ETNK1: variants seen among roughly 807,000 people sequenced by gnomAD.
The protein encoded by ETNK1 is ethanolamine kinase 1.
A neutral mutation model predicts 45.1 loss-of-function variants in ETNK1; 8 were observed. The ratio of observed to expected loss-of-function variants is 0.18; its 90% CI spans 0.10 to 0.32. The LOEUF (loss-of-function observed/expected upper bound fraction) is 0.32, where lower values mean the gene tolerates loss of function less well. ETNK1 is among the 10% of genes least tolerant of loss of function. ETNK1 has a pLI of 1.00. For missense variants in ETNK1, 302 were observed against 430.6 expected, an observed-to-expected ratio of 0.70 and a Z score of 2.64; for synonymous variants, 152 against 151.9, an observed-to-expected ratio of 1.00 and a Z score of -0.01.
chr12:22,652,042 G>A (rs964035713), intron 2 of ETNK1, among the ~76,000 whole-genome samples: 2 of 151,920 alleles, frequency 1.3e-5, no homozygotes, highest in African/African-American at 2.4e-5. Context: ...CCTGGCAACC[G>A]TCATCTACTT....
At chr12:22,651,678 A>G (rs1433853293) in intron 2 of ETNK1, among the ~76,000 whole-genome samples, 1 of 133,624 alleles carries the variant, frequency 7.5e-6, no homozygotes, top group African/African-American at 2.8e-5. Context: ...CTACAATTCT[A>G]TCCCTTTTTT....
chr12:22,656,701 C>G, intron 2 of ETNK1: 1 of 985,026 alleles, frequency 1.0e-6, no homozygotes. Flanking sequence ...GGGAAAATTA[C>G]GTTTTGTAAG....
Position 22,625,174 on chromosome 12 carries a change from G to C in ETNK1, c.-257G>C. ...CAGGCCAGCCCCGGCATGCTCTGCG[G>C]CCGCCCGCGGTCCAGCTCCGACAAC... On this transcript the variant is annotated 5_prime_UTR_variant, in exon 1 of 8. Transcript: ENST00000266517. 6.3e-7 allele frequency: 1 copy of C among 1,596,322 alleles called. No individual in the cohort carries two copies. The highest frequency in any genetic ancestry group is 8.5e-7 in the Non-Finnish European group (1 of 1,170,428).
At chr12:22,657,380 A>T (rs1953955608) in intron 2 of ETNK1, among the ~76,000 whole-genome samples, 1 of 152,228 alleles carries the variant, frequency 6.6e-6, no homozygotes, top group Non-Finnish European at 1.5e-5. Context: ...TTGACAATTT[A>T]CAGTGGCATA....
At chr12:22,625,844 C>T (rs1565859396) in intron 1 of ETNK1, 3 of 689,560 alleles carry the variant, frequency 4.4e-6, no homozygotes, top group Admixed American at 4.1e-5. Flanking sequence ...GACCCATCCA[C>T]GGGGGGAGAT....
intron 6 of ETNK1, among the ~76,000 whole-genome samples, chr12:22,681,250 G>C (rs1954212815): frequency 6.6e-6 from 1 of 151,944 alleles, no homozygotes; most frequent in Admixed American, 6.6e-5. Flanking sequence ...TATGGATAAT[G>C]CTTCTCTAGT....
At position 22,686,845 on chromosome 12, in the gene ETNK1, C is replaced by T. The variant is rs1451715104; in HGVS notation, c.*1891C>T. 1.7e-5 allele frequency: 2 copies of T among 118,190 alleles called. No individual in the cohort carries two copies. Among genetic ancestry groups the T allele is most frequent in the Non-Finnish European group, 3.5e-5 (2 of 57,064 alleles). 7.3% of individuals were successfully genotyped at this position (118,190 alleles called of 1,614,324 possible). On this transcript the variant is annotated 3_prime_UTR_variant, in exon 8 of 8. Transcript: ENST00000266517. ...TAAAACAGATAAAGAATGTGTAATA[C>T]TCTTAATTTTTTTTTTTTTTTTTTT...
chr12:22,675,467 C>T (rs998529131), intron 6 of ETNK1, among the ~76,000 whole-genome samples: 2 of 151,412 alleles, frequency 1.3e-5, no homozygotes, highest in African/African-American at 4.9e-5. Flanking sequence ...GGGGTTCTCC[C>T]AACTCAGCCT....
chr12:22,657,081 C>A (rs1437559186), intron 2 of ETNK1, among the ~76,000 whole-genome samples: 1 of 152,158 alleles, frequency 6.6e-6, no homozygotes, highest in Non-Finnish European at 1.5e-5. Flanking sequence ...CCTGGCCTTT[C>A]CATCAAGTTG....
rs1163897546 is a variant in ETNK1, at chr12:22,625,975, A to G, written c.156+389A>G. ...CTCCCCTCCCACCAGTAATGCAGTC[A>G]TTAATCCTCTCTGATCTTTCCTTCC... On this transcript the variant is annotated intron_variant, in intron 1 of 7. Transcript: ENST00000266517. 4 of 460,790 alleles carry G rather than the reference A, an allele frequency of 8.7e-6. 1 individual carries two copies. The Admixed American group carries it at 1.0e-4, about 12-fold the overall frequency. 28.5% of individuals were successfully genotyped at this position (460,790 alleles called of 1,614,324 possible).
intron 6 of ETNK1, among the ~76,000 whole-genome samples, chr12:22,680,291 TTTG>T (rs1299927474): frequency 1.3e-5 from 2 of 152,222 alleles, no homozygotes; most frequent in Non-Finnish European, 2.9e-5. Context: ...TTCAGTTTTT[TTTG>T]TTGTTGTTTT....
At chr12:22,661,333 T>A in intron 4 of ETNK1, 128 bp downstream of exon 4, 1 of 566,064 alleles carries the variant, frequency 1.8e-6, no homozygotes, top group Non-Finnish European at 2.7e-6. Flanking sequence ...CTTTAAAGAT[T>A]TTCTTTTAGT....
intron 6 of ETNK1, among the ~76,000 whole-genome samples, chr12:22,680,890 T>TCACC (rs1954208192): frequency 1.9e-5 from 1 of 53,202 alleles, no homozygotes; most frequent in African/African-American, 4.6e-5. Flanking sequence ...GAGCTTTTCT[T>TCACC]CCCCCGCCCC....
intron 1 of ETNK1, among the ~76,000 whole-genome samples, chr12:22,636,768 C>T (rs1953661280): frequency 6.6e-6 from 1 of 152,072 alleles, no homozygotes; most frequent in Non-Finnish European, 1.5e-5. Flanking sequence ...ATTTACATAA[C>T]ATCTACATTG....
chr12:22,653,313 T>A (rs1290223543), intron 2 of ETNK1, among the ~76,000 whole-genome samples: 2 of 152,188 alleles, frequency 1.3e-5, no homozygotes, highest in Admixed American at 1.3e-4. Flanking sequence ...ACTTTACTCT[T>A]CTTTTTCAAT....
At chr12:22,667,001 AC>A (rs1333168316) in intron 4 of ETNK1, among the ~76,000 whole-genome samples, 3 of 152,184 alleles carry the variant, frequency 2.0e-5, no homozygotes, top group African/African-American at 7.2e-5. Context: ...TGTTTGGTAA[AC>A]TATGTTTTCT....
intron 4 of ETNK1, among the ~76,000 whole-genome samples, chr12:22,666,570 G>C (rs1183399655): frequency 6.6e-6 from 1 of 151,994 alleles, no homozygotes; most frequent in Non-Finnish European, 1.5e-5. Flanking sequence ...CATGACTTTT[G>C]GTGACTTTCA....
intron 4 of ETNK1, among the ~76,000 whole-genome samples, chr12:22,668,765 AC>A (rs974351806): frequency 1.4e-4 from 21 of 152,162 alleles, no homozygotes; most frequent in African/African-American, 5.1e-4. Flanking sequence ...TTATTTATAA[AC>A]TCAACATAGC....
intron 2 of ETNK1, among the ~76,000 whole-genome samples, chr12:22,658,574 A>G (rs1170390888): frequency 6.6e-6 from 1 of 152,114 alleles, no homozygotes; most frequent in Non-Finnish European, 1.5e-5. Flanking sequence ...AGATATAGGT[A>G]TAGGGGCCAC....
Sources: gnomAD v4.1 joint callset for allele counts (sites outside exome capture counted in the v4.1 genomes callset) on GRCh38, gnomAD v4.1.1 for gene constraint, MANE v1.5 for transcripts, NCBI Gene and HGNC (gene_info 2026-07-23, HGNC 2026-07-21) for gene names.